PAK1: variants seen among roughly 807,000 people sequenced by gnomAD.
The protein encoded by PAK1 is p21 (RAC1) activated kinase 1.
PAK1 carries 29 observed loss-of-function variants against 67.4 expected under a neutral mutation model. The observed-to-expected ratio is 0.43, with a 90% CI of 0.32 to 0.59. The LOEUF (loss-of-function observed/expected upper bound fraction) is 0.59, where lower values mean the gene tolerates loss of function less well. PAK1 is among the 20% of genes least tolerant of loss of function. The pLI, the probability that PAK1 is intolerant of heterozygous loss-of-function variation, is 0.07. For missense variants in PAK1, 337 were observed against 670.7 expected (o/e 0.50, Z 5.50); for synonymous variants, 223 against 237.4 (o/e 0.94, Z 0.56).
rs932404180 is a variant in PAK1, at chr11:77,430,289, A to G, written c.-21-37748T>C. On this transcript the variant is annotated intron_variant, in intron 1 of 14. Coordinates refer to ENST00000356341, the MANE Select transcript of PAK1 (RefSeq NM_002576.5). ...ACAGGACATCGGGTTTTTGGTGAGG[A>G]AAAACATATTTCAGACTCCCCCATT... 2.0e-5 allele frequency among the ~76,000 whole-genome samples: 3 copies of G among 152,188 alleles called. No homozygotes were observed. The East Asian group carries it at 5.8e-4, about 29-fold the overall frequency.
intron 14 of PAK1, among the ~76,000 whole-genome samples, chr11:77,327,247 A>G (rs1940187874): frequency 6.6e-6 from 1 of 152,236 alleles, no homozygotes; most frequent in African/African-American, 2.4e-5. Context: ...CAATCTAGCA[A>G]GGCAGGCCAA....
At chr11:77,511,330 T>C in the PAK1 span, among the ~76,000 whole-genome samples, 1 of 152,214 alleles carries the variant, frequency 6.6e-6, no homozygotes, top group Non-Finnish European at 1.5e-5. Flanking sequence ...CTAAGATCTA[T>C]CATTTGTTAT....
chr11:77,525,065 C>A, the PAK1 span, among the ~76,000 whole-genome samples: 1 of 151,886 alleles, frequency 6.6e-6, no homozygotes, highest in Non-Finnish European at 1.5e-5. Flanking sequence ...GTAAAATAGG[C>A]CAGGCAATGT....
intron 1 of PAK1, among the ~76,000 whole-genome samples, chr11:77,396,640 T>C (rs1369336651): frequency 6.6e-6 from 1 of 152,222 alleles, no homozygotes; most frequent in African/African-American, 2.4e-5. Flanking sequence ...CCACTATCTC[T>C]TCCCCAGACA....
intron 14 of PAK1, among the ~76,000 whole-genome samples, chr11:77,326,348 A>G (rs1403452150): frequency 6.6e-6 from 1 of 152,162 alleles, no homozygotes; most frequent in Non-Finnish European, 1.5e-5. Flanking sequence ...AGGATTTCCA[A>G]TGAATAAAGT....
the PAK1 span, among the ~76,000 whole-genome samples, chr11:77,510,424 T>C: frequency 2.0e-5 from 3 of 152,030 alleles, no homozygotes; most frequent in African/African-American, 7.2e-5. Flanking sequence ...AGAGACGGGG[T>C]TTCACCATGT....
chr11:77,508,317 A>G, the PAK1 span, among the ~76,000 whole-genome samples: 1 of 152,222 alleles, frequency 6.6e-6, no homozygotes, highest in South Asian at 2.1e-4. Context: ...GGTTTGGTTC[A>G]ATACCAAAAC....
intron 1 of PAK1, 182 bp downstream of exon 1, chr11:77,473,370 G>A (rs1301687735): frequency 1.3e-5 from 2 of 152,160 alleles, no homozygotes; most frequent in East Asian, 1.9e-4. Context: ...TTGGCCCGAC[G>A]GGAGCGGGCC....
intron 1 of PAK1, among the ~76,000 whole-genome samples, chr11:77,435,494 CTTTTTT>C (rs199613170): frequency 8.5e-5 from 12 of 141,338 alleles, no homozygotes; most frequent in African/African-American, 2.8e-4. Context: ...CATATTTTCT[CTTTTTT>C]TTTTTTTTTT....
chr11:77,499,284 A>C, the PAK1 span, among the ~76,000 whole-genome samples: 30 of 151,978 alleles, frequency 2.0e-4, no homozygotes, highest in African/African-American at 7.0e-4. Flanking sequence ...TCTGGTCTTG[A>C]ACTCCTGGGC....
upstream of PAK1, among the ~76,000 whole-genome samples, chr11:77,479,084 C>CA (rs757138155): frequency 6.9e-3 from 612 of 88,578 alleles, 6 homozygotes; most frequent in Middle Eastern, 0.037. Context: ...GACTCCGTCT[C>CA]AAAAAAAAAA....
intron 1 of PAK1, among the ~76,000 whole-genome samples, chr11:77,419,714 A>C (rs1955156769): frequency 6.6e-6 from 1 of 152,228 alleles, no homozygotes; most frequent in Non-Finnish European, 1.5e-5. Flanking sequence ...AAATCTCCTG[A>C]CACAACCAGT....
chr11:77,446,897 G>GA (rs11420682), intron 1 of PAK1, among the ~76,000 whole-genome samples: 11,972 of 123,400 alleles, frequency 0.097, 1,066 homozygotes, highest in East Asian at 0.27. Context: ...GTGACAAAAA[G>GA]AAAAAAAAAA....
At chr11:77,442,619 C>T (rs944944793) in intron 1 of PAK1, among the ~76,000 whole-genome samples, 8 of 152,130 alleles carry the variant, frequency 5.3e-5, no homozygotes, top group African/African-American at 1.9e-4. Flanking sequence ...CCATTACAGA[C>T]AGTGAAGCAG....
the PAK1 span, among the ~76,000 whole-genome samples, chr11:77,487,584 G>A: frequency 6.6e-6 from 1 of 151,976 alleles, no homozygotes; most frequent in African/African-American, 2.4e-5. Flanking sequence ...AGAGTCCCAG[G>A]CCCAGCAGCA....
chr11:77,349,382 TCAAAAACA>T, intron 8 of PAK1, 95 bp from the exon 9 acceptor site: 5 of 927,800 alleles, frequency 5.4e-6, no homozygotes, highest in Non-Finnish European at 6.9e-6. Flanking sequence ...TCTGTGAGTG[TCAAAAACA>T]AGAGCAGTAA....
intron 5 of PAK1, among the ~76,000 whole-genome samples, chr11:77,372,451 T>C (rs1342933111): frequency 1.3e-5 from 2 of 152,232 alleles, no homozygotes; most frequent in East Asian, 3.8e-4. Context: ...TAAGAAAGGA[T>C]CCAACAGGTT....
chr11:77,390,083 C>T (rs984274184), intron 2 of PAK1, among the ~76,000 whole-genome samples: 1 of 152,242 alleles, frequency 6.6e-6, no homozygotes, highest in African/African-American at 2.4e-5. Flanking sequence ...AAGAAGACTG[C>T]AGGGCATTTA....
At chr11:77,359,039 G>A in intron 5 of PAK1, 22 bp from the exon 6 acceptor site, 1 of 1,609,412 alleles carries the variant, frequency 6.2e-7, no homozygotes, top group South Asian at 1.1e-5. Context: ...AGAAAAGCAA[G>A]ATGCATCTGG....
Sources: allele counts gnomAD v4.1 joint callset (sites outside exome capture counted in the v4.1 genomes callset), GRCh38; gene constraint gnomAD v4.1.1; transcripts MANE v1.5; gene names NCBI Gene and HGNC (gene_info 2026-07-23, HGNC 2026-07-21).